EHBP1L1: variants seen among roughly 807,000 people sequenced by gnomAD.
EHBP1L1 encodes EH domain binding protein 1 like 1, also known as EH domain-binding protein 1-like protein 1.
EHBP1L1 carries 122 observed loss-of-function variants against 151.1 expected under a neutral mutation model. The observed-to-expected ratio is 0.81, with a 90% CI of 0.70 to 0.94. EHBP1L1 has a LOEUF of 0.94. Ranked by LOEUF, EHBP1L1 falls within the 40% of genes least tolerant of loss-of-function variation. The probability of loss-of-function intolerance (pLI) is 0.00; values close to 1 mark genes in which losing one functional copy is unlikely to be tolerated. For missense variants in EHBP1L1, 1,941 were observed against 1,959.8 expected (o/e 0.99, Z 0.18); for synonymous variants, 878 against 810.1 (o/e 1.08, Z -1.42).
Position 65,592,398 on chromosome 11 carries a change from G to A in EHBP1L1, c.*96G>A. The A allele has an allele frequency of 1.0e-6, 1 of 957,824 alleles. No individual in the cohort carries two copies. The highest frequency in any genetic ancestry group is 1.3e-6 in the Non-Finnish European group (1 of 775,358). The allele number at this position is 957,824 out of a possible 1,614,324, so 59.3% of individuals were successfully genotyped here. ...GGACGACCCGGCCGTCCCGGAGGCCGCGCGCGTGTCCGCTAGGGGCCGCCG... is the reference window on the plus strand; with the variant it reads ...GGACGACCCGGCCGTCCCGGAGGCCACGCGCGTGTCCGCTAGGGGCCGCCG... On this transcript the variant is annotated 3_prime_UTR_variant, in exon 19 of 19. Transcript: ENST00000309295.
At chr11:65,590,288 G>A in intron 15 of EHBP1L1, 78 bp downstream of exon 15, 1 of 1,569,386 alleles carries the variant, frequency 6.4e-7, no homozygotes, top group Non-Finnish European at 8.6e-7. Context: ...TCCTGACCTT[G>A]GGAGGAGCTG....
chr11:65,580,441 C>T lies in EHBP1L1; in HGVS notation c.596C>T (p.Pro199Leu), dbSNP rs868416429. The change falls in exon 6 of 19, where the codon CCA becomes CTA. Residue 199 changes from proline (P) to leucine (L), a missense_variant. Physicochemically the swap from Pro to Leu is moderately conservative, Grantham distance 98. Coordinates refer to ENST00000309295, the MANE Select transcript of EHBP1L1 (RefSeq NM_001099409.3). ...AGTGATGAAGATGAGGCTCATGGCC[C>T]AGGAGCCCCGGAGGCCCGGGCTCGA... ...AESDEDEAHGPGAPEARARVP... is the reference protein window; with the variant it reads ...AESDEDEAHGLGAPEARARVP... 6.2e-7 allele frequency: 1 copy of T among 1,613,414 alleles called. No homozygotes were observed. Among genetic ancestry groups the T allele is most frequent in the East Asian group, 2.2e-5 (1 of 44,892 alleles).
chr11:65,579,220 G>A (rs1178264576), intron 2 of EHBP1L1, 85 bp downstream of exon 2: 6 of 1,530,732 alleles, frequency 3.9e-6, no homozygotes, highest in Non-Finnish European at 5.3e-6. Context: ...AGTGGAGTGA[G>A]GTTCAAGCAC....
At chr11:65,579,701 C>T (rs1188224452) in intron 3 of EHBP1L1, among the ~76,000 whole-genome samples, 1 of 151,934 alleles carries the variant, frequency 6.6e-6, no homozygotes, top group Non-Finnish European at 1.5e-5. Flanking sequence ...ACCGCGTGCA[C>T]CTGTAATCCC....
chr11:65,589,813 G>T lies in EHBP1L1; in HGVS notation c.3996G>T (p.Gln1332His), dbSNP rs1415915112. ...CACCCACAGCTGCAGACTCTCAACAGCCCCCTGGTGAGTAGCAGGAGTGGT... is the reference window on the plus strand; with the variant it reads ...CACCCACAGCTGCAGACTCTCAACATCCCCCTGGTGAGTAGCAGGAGTGGT... ...PGPPTAADSQ[Q>H]PPGGSSPSEE... Residue 1332 changes from glutamine (Q) to histidine (H), a missense_variant, in exon 13 of 19, where the codon CAG (glutamine) becomes CAT (histidine). Coordinates refer to ENST00000309295, the MANE Select transcript of EHBP1L1 (RefSeq NM_001099409.3). 3 of 1,563,344 alleles carry T rather than the reference G, an allele frequency of 1.9e-6. No homozygotes were observed. In the South Asian group the frequency reaches 3.5e-5, roughly 18 times the overall value.
At position 65,576,212 on chromosome 11, in the gene EHBP1L1, C is replaced by A; in HGVS notation, c.-91C>A. ...CTCCGCACGGACGGGGCGGGCGGCGCGGACAGGCCATGGGGACCCGGGCCG... is the reference window on the plus strand; with the variant it reads ...CTCCGCACGGACGGGGCGGGCGGCGAGGACAGGCCATGGGGACCCGGGCCG... On this transcript the variant is annotated 5_prime_UTR_variant, in exon 1 of 19. Transcript: ENST00000309295. 8.7e-7 allele frequency: 1 copy of A among 1,150,420 alleles called. No individual in the cohort carries two copies. Among genetic ancestry groups the A allele is most frequent in the Non-Finnish European group, 1.1e-6 (1 of 879,488 alleles). The allele number at this position is 1,150,420 out of a possible 1,614,324, so 71.3% of individuals were successfully genotyped here.
At chr11:65,576,651 G>A (rs922223118) in intron 1 of EHBP1L1, among the ~76,000 whole-genome samples, 1 of 152,204 alleles carries the variant, frequency 6.6e-6, no homozygotes, top group African/African-American at 2.4e-5. Context: ...CTGAGGTTCT[G>A]CCTGTGTCCA....
At position 65,585,463 on chromosome 11, in the gene EHBP1L1, C is replaced by G. The variant is rs1212284516; in HGVS notation, c.3805C>G (p.Arg1269Gly). The G allele has an allele frequency of 1.3e-6, 2 of 1,530,308 alleles. No homozygotes were observed. Among genetic ancestry groups the G allele is most frequent in the East Asian group, 2.5e-5 (1 of 40,448 alleles). 94.8% of individuals were successfully genotyped at this position (1,530,308 alleles called of 1,614,324 possible). ...GGAGCCCGGGTCGGTGCCCCCGCCC[C>G]GCGCGCACGGCTCCTTCTCCCACGT... The part of the protein sequence containing the change: ...NGEPGSVPPP[R>G]AHGSFSHVRD... Residue 1269 changes from arginine (R) to glycine (G), a missense_variant, in exon 12 of 19, where the codon CGC becomes GGC. Coordinates refer to ENST00000309295, the MANE Select transcript of EHBP1L1 (RefSeq NM_001099409.3). The surrounding 1 kb of genome is among the most constrained non-coding windows in gnomAD (Gnocchi z 4.0).
In EHBP1L1 at chr11:65,582,329, A is replaced by AT. The variant is rs747966003; in HGVS notation, c.1658dup (p.Ser554IlefsTer22). On this transcript the variant is annotated frameshift_variant, in exon 9 of 19. Coordinates refer to ENST00000309295, the MANE Select transcript of EHBP1L1 (RefSeq NM_001099409.3). LOFTEE classifies it high-confidence loss of function. ...CCTGTTATCAACTGCCCAGGGGGCA[A>AT]TATCCAGGGGTCTGGGAGGCTGGGA... The AT allele has an allele frequency of 1.3e-5, 20 of 1,552,202 alleles. No individual in the cohort carries two copies. Among genetic ancestry groups the AT allele is most frequent in the African/African-American group, 2.8e-5 (2 of 72,392 alleles).
At chr11:65,589,166 A>G (rs1858126449) in intron 12 of EHBP1L1, among the ~76,000 whole-genome samples, 1 of 152,198 alleles carries the variant, frequency 6.6e-6, no homozygotes, top group Non-Finnish European at 1.5e-5. Flanking sequence ...GCACTTTGGG[A>G]GGCCAAAGTG....
chr11:65,591,790 C>CCCCCCCAA lies in EHBP1L1; in HGVS notation c.4284-10_4284-9insCCCCCCAA. On this transcript the variant is annotated splice_polypyrimidine_tract_variant and intron_variant, in intron 16 of 18. Coordinates refer to ENST00000309295, the MANE Select transcript of EHBP1L1 (RefSeq NM_001099409.3). The stretch of plus-strand genomic sequence containing the variant: ...CACCCCCCCGCCACCCACCCCCCGC[C>CCCCCCCAA]ACCTTCCAGCATGGAGGAGCAGGAC... 5.2e-6 allele frequency: 8 copies of CCCCCCCAA among 1,535,854 alleles called. No homozygotes were observed. Among genetic ancestry groups the CCCCCCCAA allele is most frequent in the South Asian group, 1.2e-5 (1 of 83,698 alleles).
At chr11:65,576,438 G>T in intron 1 of EHBP1L1, 32 bp downstream of exon 1, 2 of 1,533,798 alleles carry the variant, frequency 1.3e-6, no homozygotes. Context: ...GGGCTCCCCC[G>T]AACTTGCTGG....
chr11:65,579,855 A>G lies in EHBP1L1; in HGVS notation c.259-81A>G, dbSNP rs142356251. Reference sequence around the variant, plus strand: ...AAAAAAAAAAAAGCCACCACTACCAAGCACCTCCTGAGCCAGACAAGCTCT... The same window carrying G: ...AAAAAAAAAAAAGCCACCACTACCAGGCACCTCCTGAGCCAGACAAGCTCT... On this transcript the variant is annotated intron_variant, in intron 3 of 18. Transcript: ENST00000309295. 1.3e-3 allele frequency: 1,912 copies of G among 1,478,982 alleles called. 24 individuals are homozygous for G. In the African/African-American group the frequency reaches 0.019, roughly 15 times the overall value. The allele number at this position is 1,478,982 out of a possible 1,614,324, so 91.6% of individuals were successfully genotyped here.
chr11:65,589,560 T>C (rs528822948), intron 12 of EHBP1L1, among the ~76,000 whole-genome samples, 191 bp from the exon 13 acceptor site: 2 of 152,286 alleles, frequency 1.3e-5, no homozygotes, highest in South Asian at 4.1e-4. Context: ...TGGCCTTTGC[T>C]TGAGGAGGCA....
intron 12 of EHBP1L1, among the ~76,000 whole-genome samples, chr11:65,588,783 T>C (rs1429932546): frequency 6.6e-6 from 1 of 152,180 alleles, no homozygotes; most frequent in African/African-American, 2.4e-5. Context: ...CCTTCCAAGC[T>C]AAAATTCAAA....
rs575450400 is a variant in EHBP1L1, at chr11:65,583,463, G to A, written c.2791G>A (p.Val931Ile). The A allele has an allele frequency of 5.1e-5, 82 of 1,613,618 alleles. No individual in the cohort carries two copies. The South Asian group carries it at 8.2e-4, about 16-fold the overall frequency. The change falls in exon 9 of 19, where the codon GTT becomes ATT. Residue 931 changes from valine to isoleucine, a missense_variant. Physicochemically the swap from Val to Ile is conservative, Grantham distance 29. Transcript: ENST00000309295. Reference sequence around the variant, plus strand: ...AGGAGTACAAGGGTCAGAGACTCAAGTTCTGAGAGTCCAGGAGGCAGAGGC... The same window carrying A: ...AGGAGTACAAGGGTCAGAGACTCAAATTCTGAGAGTCCAGGAGGCAGAGGC... Reference protein sequence around the residue: ...ISGVQGSETQVLRVQEAEAGV... With the variant: ...ISGVQGSETQILRVQEAEAGV...
rs1289175996 is a variant in EHBP1L1 at position 65,576,198 on chromosome 11, C to T, written c.-105C>T. On this transcript the variant is annotated 5_prime_UTR_variant, in exon 1 of 19. In the 5' UTR this introduces an upstream ATG that the reference lacks. Coordinates refer to ENST00000309295, the MANE Select transcript of EHBP1L1 (RefSeq NM_001099409.3). The stretch of plus-strand genomic sequence containing the variant: ...GGAGCCTGGGACACCTCCGCACGGA[C>T]GGGGCGGGCGGCGCGGACAGGCCAT... The T allele has an allele frequency of 9.9e-7, 1 of 1,005,166 alleles. No homozygotes were observed. Among genetic ancestry groups the T allele is most frequent in the Non-Finnish European group, 1.3e-6 (1 of 751,124 alleles). 62.3% of individuals were successfully genotyped at this position (1,005,166 alleles called of 1,614,324 possible). A position where few individuals can be genotyped will look rare whatever the true frequency, so the allele number is the denominator to read the frequency against.
intron 15 of EHBP1L1, 102 bp downstream of exon 15, chr11:65,590,312 C>A (rs892986598): frequency 5.2e-6 from 8 of 1,543,884 alleles, no homozygotes; most frequent in Non-Finnish European, 7.0e-6. Context: ...GGAGGCACGG[C>A]TGGCATCAGC....
In EHBP1L1 at chr11:65,583,669, G is replaced by A. The variant is rs779465126; in HGVS notation, c.2997G>A (p.Leu999=). 75 of 1,586,714 alleles carry A rather than the reference G, an allele frequency of 4.7e-5. No individual in the cohort carries two copies. The highest frequency in any genetic ancestry group is 6.4e-5 in the Non-Finnish European group (75 of 1,167,204). The part of the protein sequence containing the change: ...EAEGSLTEAS[L]PEAQVASGAG... ...AGGGAAGCCTCACAGAGGCCAGCCTGCCTGAAGCACAGGTGGCCAGTGGGG... is the reference window on the plus strand; with the variant it reads ...AGGGAAGCCTCACAGAGGCCAGCCTACCTGAAGCACAGGTGGCCAGTGGGG... The change falls in exon 9 of 19, where the codon CTG becomes CTA. Residue 999 remains leucine, a synonymous_variant. Transcript: ENST00000309295.
Sources: allele counts gnomAD v4.1 joint callset (sites outside exome capture counted in the v4.1 genomes callset), GRCh38; gene constraint gnomAD v4.1.1; non-coding constraint Gnocchi (gnomAD v3.1); transcripts MANE v1.5; gene names NCBI Gene and HGNC (gene_info 2026-07-23, HGNC 2026-07-21).